CDH13: variants seen among roughly 807,000 people sequenced by gnomAD.
CDH13 encodes the protein cadherin 13, also known as cadherin-13.
Under a neutral mutation model 63.8 loss-of-function variants are expected in CDH13, and 24 were observed. The observed-to-expected ratio is 0.38, with a 90% CI of 0.27 to 0.53. The LOEUF (loss-of-function observed/expected upper bound fraction) is 0.53. CDH13 is among the 20% of genes least tolerant of loss of function. The probability of loss-of-function intolerance (pLI) is 0.85; values close to 1 mark genes in which losing one functional copy is unlikely to be tolerated. For missense variants in CDH13, 1,049 were observed against 903.1 expected, an observed-to-expected ratio of 1.16 and a Z score of -2.07; for synonymous variants, 503 against 355.3, an observed-to-expected ratio of 1.42 and a Z score of -4.67.
intron 5 of CDH13, among the ~76,000 whole-genome samples, chr16:83,298,270 C>A (rs190995743): frequency 1.3e-5 from 2 of 150,334 alleles, no homozygotes; most frequent in Non-Finnish European, 1.5e-5. Flanking sequence ...TGAGATGAGA[C>A]GAGATGAGAA....
At chr16:83,335,956 G>T (rs1309061285) in intron 5 of CDH13, among the ~76,000 whole-genome samples, 1 of 151,994 alleles carries the variant, frequency 6.6e-6, no homozygotes, top group African/African-American at 2.4e-5. Context: ...GGTGTCTGAG[G>T]ACTTTTGTCT....
chr16:83,568,903 C>G (rs1375962778), intron 7 of CDH13, among the ~76,000 whole-genome samples: 1 of 152,132 alleles, frequency 6.6e-6, no homozygotes, highest in Non-Finnish European at 1.5e-5. Context: ...AGTCTCAGAA[C>G]TGCCTCTCTG....
chr16:83,389,487 C>G (rs1398549806), intron 6 of CDH13, among the ~76,000 whole-genome samples: 3 of 152,234 alleles, frequency 2.0e-5, no homozygotes, highest in East Asian at 1.9e-4. Flanking sequence ...CCAGATGGAT[C>G]TGGTTATTCC....
chr16:83,304,958 C>T (rs2089839020), intron 5 of CDH13, among the ~76,000 whole-genome samples: 1 of 152,160 alleles, frequency 6.6e-6, no homozygotes, highest in African/African-American at 2.4e-5. Flanking sequence ...TCATATTTTA[C>T]AAAGGAGCAT....
chr16:83,570,060 A>C (rs554456138), intron 7 of CDH13, among the ~76,000 whole-genome samples: 6 of 152,104 alleles, frequency 3.9e-5, no homozygotes, highest in Non-Finnish European at 8.8e-5. Flanking sequence ...TAAACTGATC[A>C]TCATCCATTC....
At chr16:83,022,818 A>C (rs1394805043) in intron 2 of CDH13, among the ~76,000 whole-genome samples, 1 of 152,218 alleles carries the variant, frequency 6.6e-6, no homozygotes, top group Non-Finnish European at 1.5e-5. Flanking sequence ...CAATTTACCC[A>C]TATAAGATGT....
At chr16:82,965,066 A>C (rs1214052023) in intron 2 of CDH13, among the ~76,000 whole-genome samples, 1 of 152,234 alleles carries the variant, frequency 6.6e-6, no homozygotes, top group African/African-American at 2.4e-5. Context: ...AGTAAATAAA[A>C]AGTAGCTCCC....
intron 2 of CDH13, among the ~76,000 whole-genome samples, chr16:82,866,568 T>C (rs1428815476): frequency 6.6e-6 from 1 of 151,768 alleles, no homozygotes; most frequent in African/African-American, 2.4e-5. Context: ...TTTTGTAGTT[T>C]TAGTACAAAG....
chr16:83,027,418 T>C (rs1915919037), intron 2 of CDH13, among the ~76,000 whole-genome samples: 1 of 152,098 alleles, frequency 6.6e-6, no homozygotes. Flanking sequence ...AAGCAAGAGT[T>C]AACAGGGTGA....
intron 1 of CDH13, among the ~76,000 whole-genome samples, chr16:82,689,710 T>C (rs946423616): frequency 6.6e-6 from 1 of 152,010 alleles, no homozygotes; most frequent in Non-Finnish European, 1.5e-5. Context: ...GGGACTCCTG[T>C]CCTCAGAGTG....
intron 1 of CDH13, among the ~76,000 whole-genome samples, chr16:82,656,656 G>C (rs1911329739): frequency 6.6e-6 from 1 of 152,138 alleles, no homozygotes; most frequent in African/African-American, 2.4e-5. Context: ...CATGACAAAT[G>C]TGTAAATTCA....
intron 6 of CDH13, among the ~76,000 whole-genome samples, chr16:83,433,351 C>A (rs1436019723): frequency 1.3e-5 from 2 of 152,132 alleles, no homozygotes; most frequent in East Asian, 3.8e-4. Context: ...TTGAGTAGTT[C>A]CAATGAGTCA....
At chr16:83,032,357 C>G (rs2151475010) in intron 3 of CDH13, 139 bp downstream of exon 3, 4 of 683,480 alleles carry the variant, frequency 5.9e-6, no homozygotes, top group South Asian at 2.0e-5. Flanking sequence ...AGAAATCCAA[C>G]TCTAAAAATG....
chr16:82,945,871 C>G lies in CDH13; in HGVS notation c.158-86139C>G, dbSNP rs368128988. 6.6e-5 allele frequency among the ~76,000 whole-genome samples: 10 copies of G among 152,290 alleles called. No individual in the cohort carries two copies. The East Asian group carries it at 1.5e-3, about 23-fold the overall frequency. ...AAATACCTACCTAAAGACTCTTCCT[C>G]TGAGTCATTTCCTAGGGACACTCTC... On this transcript the variant is annotated intron_variant, in intron 2 of 13. Transcript: ENST00000567109.
intron 2 of CDH13, among the ~76,000 whole-genome samples, chr16:82,904,182 A>G (rs4783298): frequency 0.31 from 47,102 of 152,088 alleles, 8,738 homozygotes; most frequent in East Asian, 0.81. Context: ...ATAAATACAA[A>G]CACCTAAATA....
Position 83,047,624 on chromosome 16 carries a change from T to C in CDH13, c.366+15406T>C, listed in dbSNP as rs1001601247. Among the ~76,000 whole-genome samples the C allele has an allele frequency of 1.3e-5, 2 of 152,214 alleles. No homozygotes were observed. The highest frequency in any genetic ancestry group is 2.9e-5 in the Non-Finnish European group (2 of 68,038). On this transcript the variant is annotated intron_variant, in intron 3 of 13. Transcript: ENST00000567109. This position sits in a 1 kb window ranked among gnomAD's most constrained non-coding sequence, Gnocchi z 4.9. ...TGCATAAATAAAATAATATGCTCCATAATGGCAGAGATTTGACTGACTTGT... is the reference window on the plus strand; with the variant it reads ...TGCATAAATAAAATAATATGCTCCACAATGGCAGAGATTTGACTGACTTGT...
chr16:83,178,261 G>C (rs1193383648), intron 4 of CDH13, among the ~76,000 whole-genome samples: 3 of 152,164 alleles, frequency 2.0e-5, no homozygotes, highest in Non-Finnish European at 2.9e-5. Context: ...ACCTGTGGCT[G>C]TACCCATTAG....
At chr16:83,085,999 A>G (rs2033569434) in intron 3 of CDH13, among the ~76,000 whole-genome samples, 1 of 152,204 alleles carries the variant, frequency 6.6e-6, no homozygotes. Flanking sequence ...TTTGTCTCAA[A>G]TCAGCACAGC....
intron 1 of CDH13, among the ~76,000 whole-genome samples, chr16:82,706,641 A>G (rs2150999689): frequency 6.6e-6 from 1 of 151,478 alleles, no homozygotes; most frequent in East Asian, 1.9e-4. Flanking sequence ...CTAAAACTAA[A>G]AAAAAAAAAA....
Sources: gnomAD v4.1 joint callset for allele counts (sites outside exome capture counted in the v4.1 genomes callset) on GRCh38, gnomAD v4.1.1 for gene constraint, Gnocchi (gnomAD v3.1) non-coding constraint, MANE v1.5 for transcripts, NCBI Gene and HGNC (gene_info 2026-07-23, HGNC 2026-07-21) for gene names.